The following GOSR1 variants were observed in gnomAD, a reference collection of about 807,000 sequenced individuals.
GOSR1 encodes 28 kDa Golgi SNARE protein.
A neutral mutation model predicts 35.5 loss-of-function variants in GOSR1; 21 were observed. The ratio of observed to expected loss-of-function variants is 0.59; its 90% CI spans 0.42 to 0.85. The LOEUF (loss-of-function observed/expected upper bound fraction) is 0.85. GOSR1 is among the 40% of genes least tolerant of loss of function. The pLI is 0.00. For missense variants in GOSR1, 285 were observed against 309.6 expected, an observed-to-expected ratio of 0.92 and a Z score of 0.60; for synonymous variants, 94 against 106.6, an observed-to-expected ratio of 0.88 and a Z score of 0.73.
At chr17:30,489,540 T>C (rs1490420121) in intron 4 of GOSR1, among the ~76,000 whole-genome samples, 1 of 152,244 alleles carries the variant, frequency 6.6e-6, no homozygotes, top group Non-Finnish European at 1.5e-5. Flanking sequence ...TTACTTTTGT[T>C]TTTTAAAAGG....
In GOSR1 at chr17:30,523,601, G is replaced by C. The variant is rs1401069508; in HGVS notation, c.*1223G>C. On this transcript the variant is annotated 3_prime_UTR_variant, in exon 9 of 9. Coordinates refer to ENST00000451249, the MANE Select transcript of GOSR1 (RefSeq NM_001007025.2). ...GGGGGATCAGCCCCCCGCCCGGCCA[G>C]CCGCCCCGTCCGGGAGGGAGGTGGG... The C allele has an allele frequency of 6.4e-6, 1 of 156,854 alleles. No individual in the cohort carries two copies. Among genetic ancestry groups the C allele is most frequent in the African/African-American group, 2.5e-5 (1 of 40,480 alleles). 9.7% of individuals were successfully genotyped at this position (156,854 alleles called of 1,614,324 possible).
intron 5 of GOSR1, among the ~76,000 whole-genome samples, chr17:30,492,376 A>G (rs78307348): frequency 0.044 from 6,695 of 152,246 alleles, 226 homozygotes; most frequent in Non-Finnish European, 0.063. Flanking sequence ...AAAAATGAAG[A>G]TATCAGAGAT....
At chr17:30,501,160 G>A (rs572733293) in intron 6 of GOSR1, among the ~76,000 whole-genome samples, 29 of 152,190 alleles carry the variant, frequency 1.9e-4, no homozygotes, top group South Asian at 6.2e-4. Context: ...GATTACAGGC[G>A]TGAGCCACCG....
chr17:30,495,207 AG>A (rs1966951676), intron 6 of GOSR1, among the ~76,000 whole-genome samples: 1 of 151,186 alleles, frequency 6.6e-6, no homozygotes, highest in Non-Finnish European at 1.5e-5. Flanking sequence ...AAAAAAAAAA[AG>A]ACATGGCTGA....
chr17:30,488,760 A>G (rs1384714026), intron 4 of GOSR1, among the ~76,000 whole-genome samples: 2 of 148,752 alleles, frequency 1.3e-5, no homozygotes, highest in African/African-American at 5.0e-5. Flanking sequence ...CTGGTCTCGA[A>G]CTCCTGACCT....
chr17:30,484,003 A>G (rs1229613442), intron 2 of GOSR1, among the ~76,000 whole-genome samples: 1 of 152,224 alleles, frequency 6.6e-6, no homozygotes, highest in Non-Finnish European at 1.5e-5. Flanking sequence ...TCCTCTTGGT[A>G]AGAGTCAAGG....
chr17:30,513,919 A>G (rs1285336613), intron 7 of GOSR1, among the ~76,000 whole-genome samples: 1 of 152,218 alleles, frequency 6.6e-6, no homozygotes, highest in African/African-American at 2.4e-5. Context: ...CCGTGCCTGC[A>G]TGGCACAGTG....
At position 30,483,798 on chromosome 17, in the gene GOSR1, G is replaced by T. The variant is rs575539858; in HGVS notation, c.147-416G>T. Among the ~76,000 whole-genome samples, 10 of 152,286 alleles carry T rather than the reference G, an allele frequency of 6.6e-5. No individual in the cohort carries two copies. In the South Asian group the frequency reaches 1.9e-3, roughly 28 times the overall value. ...TTCACTTGTAAAAAGATAGATTTTT[G>T]ACTATTCAGATTTGAAAAGGCAATT... On this transcript the variant is annotated intron_variant, in intron 2 of 8. Coordinates refer to ENST00000451249, the MANE Select transcript of GOSR1 (RefSeq NM_001007025.2).
chr17:30,510,968 T>C (rs1258540484), intron 7 of GOSR1, 59 bp downstream of exon 7: 1 of 969,936 alleles, frequency 1.0e-6, no homozygotes, highest in Non-Finnish European at 1.7e-6. Context: ...GTAAATTTAA[T>C]GAACAGTGTT....
chr17:30,519,751 C>A (rs1967957130), intron 7 of GOSR1, 188 bp from the exon 8 acceptor site: 5 of 528,846 alleles, frequency 9.5e-6, no homozygotes. Flanking sequence ...TATCAGAGAA[C>A]AGTGGAGTCA....
intron 6 of GOSR1, among the ~76,000 whole-genome samples, chr17:30,506,421 C>T (rs189781713): frequency 1.3e-5 from 2 of 152,326 alleles, no homozygotes; most frequent in African/African-American, 2.4e-5. Flanking sequence ...AAGATCAAAC[C>T]ACCCACAACA....
At chr17:30,505,235 T>C (rs1447367988) in intron 6 of GOSR1, among the ~76,000 whole-genome samples, 1 of 152,260 alleles carries the variant, frequency 6.6e-6, no homozygotes, top group Admixed American at 6.5e-5. Flanking sequence ...CATGCAGTTT[T>C]AAGAAATAAT....
chr17:30,492,099 A>T (rs1915086085), intron 5 of GOSR1, among the ~76,000 whole-genome samples: 1 of 152,156 alleles, frequency 6.6e-6, no homozygotes. Flanking sequence ...TGTTCCTGAT[A>T]CTTTATTATT....
intron 1 of GOSR1, 144 bp from the exon 2 acceptor site, chr17:30,480,999 A>G (rs1226055313): frequency 5.1e-6 from 3 of 585,948 alleles, no homozygotes; most frequent in Non-Finnish European, 9.3e-6. Flanking sequence ...GGCGTGCACC[A>G]CCGTGCCCAG....
At chr17:30,481,572 G>A (rs893654422) in intron 2 of GOSR1, among the ~76,000 whole-genome samples, 2 of 151,666 alleles carry the variant, frequency 1.3e-5, no homozygotes, top group Non-Finnish European at 1.5e-5. Context: ...TGATTTGCCC[G>A]TGTGGCATGT....
At chr17:30,514,952 C>G (rs990941027) in intron 7 of GOSR1, among the ~76,000 whole-genome samples, 1 of 152,218 alleles carries the variant, frequency 6.6e-6, no homozygotes, top group Non-Finnish European at 1.5e-5. Context: ...AATCTTTTAT[C>G]TCTCTGAAAA....
At chr17:30,519,149 C>G (rs183909063) in intron 7 of GOSR1, among the ~76,000 whole-genome samples, 3 of 152,136 alleles carry the variant, frequency 2.0e-5, no homozygotes, top group Non-Finnish European at 2.9e-5. Flanking sequence ...TAGCCCCCCC[C>G]TCCTGGGCTC....
At position 30,518,961 on chromosome 17, in the gene GOSR1, A is replaced by C. The variant is rs73279561; in HGVS notation, c.540-978A>C. ...TGTCCCCCAACCCCCAACCCCCCCC[A>C]AAAAAAGGATATTAACTCAAGAGAT... On this transcript the variant is annotated intron_variant, in intron 7 of 8. Coordinates refer to ENST00000451249, the MANE Select transcript of GOSR1 (RefSeq NM_001007025.2). Among the ~76,000 whole-genome samples the C allele has an allele frequency of 9.6e-3, 1,274 of 132,886 alleles. 18 individuals are homozygous for C. Among genetic ancestry groups the C allele is most frequent in the African/African-American group, 0.034 (1,193 of 34,990 alleles). The allele number at this position is 132,886 out of a possible 152,430, so 87.2% of individuals were successfully genotyped here. A position where few individuals can be genotyped will look rare whatever the true frequency, so the allele number is the denominator to read the frequency against.
chr17:30,522,203 T>C, intron 8 of GOSR1, 51 bp from the exon 9 acceptor site: 3 of 1,528,300 alleles, frequency 2.0e-6, no homozygotes, highest in South Asian at 1.3e-5. Flanking sequence ...CCTACGACTT[T>C]TCGCCAGAGA....
Sources: gnomAD v4.1 joint callset for allele counts (sites outside exome capture counted in the v4.1 genomes callset) on GRCh38, gnomAD v4.1.1 for gene constraint, MANE v1.5 for transcripts, NCBI Gene and HGNC (gene_info 2026-07-23, HGNC 2026-07-21) for gene names.